Variants in MTMR8 observed in about 807,000 individuals in gnomAD.
MTMR8 encodes phosphatidylinositol-3,5-bisphosphate 3-phosphatase MTMR8.
Under a neutral mutation model 39.3 loss-of-function variants are expected in MTMR8, and 65 were observed. That is an observed-to-expected ratio of 1.65 (90% CI 1.35 to 2.03). The LOEUF (loss-of-function observed/expected upper bound fraction) is 2.03, where lower values mean the gene tolerates loss of function less well. MTMR8 is among the 30% of genes most tolerant of loss of function. MTMR8 has a pLI of 0.00. For missense variants in MTMR8, 777 were observed against 538.9 expected (o/e 1.44, Z -4.37); for synonymous variants, 245 against 185.2 (o/e 1.32, Z -2.62).
intron 8 of MTMR8, 99 bp from the exon 9 acceptor site, chrX:64,337,492 G>C (rs1214211871): frequency 1.3e-5 from 12 of 905,179 alleles, no homozygotes; most frequent in African/African-American, 2.0e-5. Flanking sequence ...CAGAGAACCT[G>C]GTCTTATGGG....
At chrX:64,370,547 T>C (rs1291532202) in intron 1 of MTMR8, among the ~76,000 whole-genome samples, 6 of 111,551 alleles carry the variant, frequency 5.4e-5, no homozygotes, top group African/African-American at 1.6e-4. Context: ...AACACAAAAA[T>C]GGTATCACCT....
At chrX:64,307,341 T>G (rs1314828869) in intron 12 of MTMR8, among the ~76,000 whole-genome samples, 2 of 112,056 alleles carry the variant, frequency 1.8e-5, no homozygotes, top group Non-Finnish European at 3.8e-5. Context: ...TCTAAAAGAT[T>G]TATAGTTTGA....
chrX:64,300,379 T>C (rs927537803), intron 12 of MTMR8, among the ~76,000 whole-genome samples: 2 of 111,698 alleles, frequency 1.8e-5, no homozygotes, highest in African/African-American at 3.3e-5. Flanking sequence ...GTCTGTTTTA[T>C]CAGACACTAG....
At chrX:64,313,706 ATTG>A (rs1340409478) in intron 12 of MTMR8, among the ~76,000 whole-genome samples, 1 of 112,337 alleles carries the variant, frequency 8.9e-6, no homozygotes, top group Non-Finnish European at 1.9e-5. Context: ...TAATTTCAAT[ATTG>A]TTGTGTCTTG....
At chrX:64,350,461 T>C (rs969507652) in intron 4 of MTMR8, among the ~76,000 whole-genome samples, 1 of 111,848 alleles carries the variant, frequency 8.9e-6, no homozygotes, top group Non-Finnish European at 1.9e-5. Context: ...TTTTTGTTTT[T>C]CTAATTCTAA....
rs1923445879 is a variant in MTMR8, at chrX:64,349,996, C to A, written c.543G>T (p.Lys181Asn). 1.7e-6 allele frequency: 2 copies of A among 1,195,272 alleles called. No individual in the cohort carries two copies. Among genetic ancestry groups the A allele is most frequent in the Admixed American group, 2.2e-5 (1 of 44,880 alleles). ...CAGGGACACGTTCTTTACTTCTGAA[C>A]TTTGAACTTCCAACCACCGTTCCCA... ...VTLGTVVGSSKFRSKERVPVL... is the reference protein window; with the variant it reads ...VTLGTVVGSSNFRSKERVPVL... Residue 181 changes from lysine to asparagine, a missense_variant, in exon 5 of 14, where the codon AAG becomes AAT. Coordinates refer to ENST00000374852, the MANE Select transcript of MTMR8 (RefSeq NM_017677.4).
chrX:64,369,328 G>A (rs1275005171), intron 1 of MTMR8, among the ~76,000 whole-genome samples: 4 of 111,535 alleles, frequency 3.6e-5, no homozygotes, highest in African/African-American at 9.8e-5. Flanking sequence ...TGTTTATTGC[G>A]GCACTATTCA....
In MTMR8 at chrX:64,281,316, G is replaced by A. The variant is rs770042694; in HGVS notation, c.1482-10243C>T. Among the ~76,000 whole-genome samples, 4 of 111,790 alleles carry A rather than the reference G, an allele frequency of 3.6e-5. 1 individual carries two copies. In the South Asian group the frequency reaches 1.5e-3, roughly 42 times the overall value. ...TCACACTATACTACAAGGCTATATA[G>A]TAACCAAAACAGCATGGTATTGGTC... is the stretch of plus-strand genomic sequence containing the variant. On this transcript the variant is annotated intron_variant, in intron 12 of 13. Transcript: ENST00000374852.
intron 10 of MTMR8, among the ~76,000 whole-genome samples, 187 bp downstream of exon 10, chrX:64,335,892 A>AT (rs753147597): frequency 8.9e-6 from 1 of 112,387 alleles, no homozygotes; most frequent in Non-Finnish European, 1.9e-5. Context: ...CAGGGATAAT[A>AT]TTCTGGTTAC....
chrX:64,279,166 CA>C lies in MTMR8; in HGVS notation c.1482-8094del, dbSNP rs1931949444. On this transcript the variant is annotated intron_variant, in intron 12 of 13. Coordinates refer to ENST00000374852, the MANE Select transcript of MTMR8 (RefSeq NM_017677.4). ...CACTTAAGTCTGATGAAGCTGTGCCCAAAGCCACCCCTTCCCCCTAACACTT... is the reference window on the plus strand; with the variant it reads ...CACTTAAGTCTGATGAAGCTGTGCCCAAGCCACCCCTTCCCCCTAACACTT... Among the ~76,000 whole-genome samples, 3 of 111,932 alleles carry C rather than the reference CA, an allele frequency of 2.7e-5. No individual in the cohort carries two copies. In the South Asian group the frequency reaches 1.1e-3, roughly 42 times the overall value.
At chrX:64,315,719 CA>C (rs1356132892) in intron 12 of MTMR8, among the ~76,000 whole-genome samples, 2 of 110,986 alleles carry the variant, frequency 1.8e-5, no homozygotes, top group Non-Finnish European at 3.8e-5. Context: ...GTATTAAGAT[CA>C]TTTACATTTA....
chrX:64,367,682 C>T (rs1225078027), intron 1 of MTMR8, among the ~76,000 whole-genome samples: 1 of 111,998 alleles, frequency 8.9e-6, no homozygotes, highest in Non-Finnish European at 1.9e-5. Flanking sequence ...TGGAAGCATT[C>T]CCTTTGAAAA....
intron 12 of MTMR8, among the ~76,000 whole-genome samples, chrX:64,274,306 C>G (rs1002527329): frequency 2.7e-5 from 3 of 112,007 alleles, no homozygotes; most frequent in African/African-American, 3.2e-5. Flanking sequence ...ATAAAGGAAA[C>G]TTGTAAAGTT....
chrX:64,354,656 T>C (rs1461640228), intron 4 of MTMR8, 121 bp downstream of exon 4: 1 of 717,369 alleles, frequency 1.4e-6, no homozygotes, highest in African/African-American at 2.2e-5. Flanking sequence ...AATGGCTGAA[T>C]GTTGAATGGA....
rs1923402406 is a variant in MTMR8, at chrX:64,348,525, G to T, written c.732+135C>A. ...GGAGCCCCAAATGGCTTCCTGAAAT[G>T]ATTTTACACAATGTCTGACATAATA... is the stretch of plus-strand genomic sequence containing the variant. On this transcript the variant is annotated intron_variant, in intron 6 of 13. Coordinates refer to ENST00000374852, the MANE Select transcript of MTMR8 (RefSeq NM_017677.4). 1.2e-5 allele frequency: 10 copies of T among 830,779 alleles called. No homozygotes were observed. The East Asian group carries it at 3.4e-4, about 28-fold the overall frequency. The allele number at this position is 830,779 out of a possible 1,213,427, so 68.5% of individuals were successfully genotyped here.
Position 64,339,175 on chromosome X carries a change from G to T in MTMR8, c.976-1782C>A, listed in dbSNP as rs911216122. Among the ~76,000 whole-genome samples the T allele has an allele frequency of 4.2e-4, 47 of 111,080 alleles. 1 individual carries two copies. In the Middle Eastern group the frequency reaches 0.018, roughly 44 times the overall value. On this transcript the variant is annotated intron_variant, in intron 8 of 13. Transcript: ENST00000374852. The stretch of plus-strand genomic sequence containing the variant: ...TGTGTGCATAGTTGATGCTGCCCAG[G>T]CAGAGACCAAATGTGACAAAAGAAA...
At chrX:64,291,317 C>T (rs1921388801) in intron 12 of MTMR8, among the ~76,000 whole-genome samples, 1 of 110,960 alleles carries the variant, frequency 9.0e-6, no homozygotes, top group Non-Finnish European at 1.9e-5. Flanking sequence ...ATAAGATTAA[C>T]TCCAGAGTAA....
intron 4 of MTMR8, among the ~76,000 whole-genome samples, chrX:64,352,822 G>T (rs1923517602): frequency 9.0e-6 from 1 of 111,317 alleles, no homozygotes; most frequent in African/African-American, 3.3e-5. Flanking sequence ...TCATTCTTCT[G>T]CATTCTTAGC....
chrX:64,273,323 T>A (rs1430478796), intron 12 of MTMR8, among the ~76,000 whole-genome samples: 1 of 110,050 alleles, frequency 9.1e-6, no homozygotes, highest in African/African-American at 3.3e-5. Context: ...GTGTAATGTG[T>A]GCATAATTGA....
Sources: gnomAD v4.1 joint callset for allele counts (sites outside exome capture counted in the v4.1 genomes callset) on GRCh38, gnomAD v4.1.1 for gene constraint, MANE v1.5 for transcripts, NCBI Gene and HGNC (gene_info 2026-07-23, HGNC 2026-07-21) for gene names.